Variants in NAV2 observed in about 807,000 individuals in gnomAD.
The protein encoded by NAV2 is neuron navigator 2, also known as helicase, APC down-regulated 1.
NAV2 carries 54 observed loss-of-function variants against 223.2 expected under a neutral mutation model. The ratio of observed to expected loss-of-function variants is 0.24; its 90% CI spans 0.19 to 0.30. The LOEUF (loss-of-function observed/expected upper bound fraction) is 0.30. Among genes scored for constraint, NAV2 ranks in the 10% least tolerant of loss-of-function variants. NAV2 has a pLI of 1.00. For missense variants in NAV2, 2,806 were observed against 3,147.5 expected, an observed-to-expected ratio of 0.89 and a Z score of 2.60; for synonymous variants, 1,279 against 1,239.3, an observed-to-expected ratio of 1.03 and a Z score of -0.67.
chr11:19,849,801 C>G (rs2061014434), intron 3 of NAV2, among the ~76,000 whole-genome samples: 1 of 152,230 alleles, frequency 6.6e-6, no homozygotes, highest in African/African-American at 2.4e-5. Flanking sequence ...GGGCCAAGAT[C>G]AGCAGGAAGC....
At chr11:19,780,835 A>C (rs2056677478) in intron 1 of NAV2, among the ~76,000 whole-genome samples, 1 of 152,150 alleles carries the variant, frequency 6.6e-6, no homozygotes, top group Non-Finnish European at 1.5e-5. Context: ...ACATTCCCAA[A>C]AGTCAATAGT....
rs1297202258 is a variant in NAV2 at position 19,554,902 on chromosome 11, G to A, written c.75+203875G>A. Among the ~76,000 whole-genome samples, 8 of 150,910 alleles carry A rather than the reference G, an allele frequency of 5.3e-5. No homozygotes were observed. In the South Asian group the frequency reaches 1.3e-3, roughly 24 times the overall value. Reference sequence around the variant, plus strand: ...GAGGAGGTTGCAGTGAGCTGAGATCGCGTCATTGCACTTCAGCCTGGGCAA... The same window carrying A: ...GAGGAGGTTGCAGTGAGCTGAGATCACGTCATTGCACTTCAGCCTGGGCAA... On this transcript the variant is annotated intron_variant, in intron 1 of 37. Coordinates refer to the NAV2 transcript ENST00000360655.
chr11:19,387,487 C>T lies in NAV2; in HGVS notation c.75+36460C>T, dbSNP rs75880528. Among the ~76,000 whole-genome samples the T allele has an allele frequency of 9.8e-3, 1,488 of 152,222 alleles. 45 individuals are homozygous for T. The highest frequency in any genetic ancestry group is 0.055 in the South Asian group (264 of 4,818). ...AGAGAAGATGCTGAGTCTCACCACC[C>T]ATTTCCTCCAGGGGACATTTTCTTC... On this transcript the variant is annotated intron_variant, in intron 1 of 37. Transcript: ENST00000360655.
chr11:19,487,120 G>A (rs2042469628), intron 1 of NAV2, among the ~76,000 whole-genome samples: 1 of 152,178 alleles, frequency 6.6e-6, no homozygotes, highest in South Asian at 2.1e-4. Flanking sequence ...TACCTAGAGG[G>A]CATTGAGGTC....
chr11:19,542,170 T>C (rs2044358563), intron 1 of NAV2, among the ~76,000 whole-genome samples: 1 of 152,222 alleles, frequency 6.6e-6, no homozygotes, highest in African/African-American at 2.4e-5. Flanking sequence ...ACTCTCTCAC[T>C]GTGCAGACCT....
intron 12 of NAV2, 54 bp downstream of exon 12, chr11:20,036,151 C>A: frequency 2.5e-6 from 4 of 1,610,096 alleles, no homozygotes; most frequent in African/African-American, 1.3e-5. Flanking sequence ...CAGCAGGGAA[C>A]CTTGGGCTTG....
At chr11:19,949,693 T>A (rs1357820900) in intron 10 of NAV2, among the ~76,000 whole-genome samples, 3 of 152,194 alleles carry the variant, frequency 2.0e-5, no homozygotes, top group African/African-American at 2.4e-5. Flanking sequence ...CTTTGGAAGA[T>A]TATCACTATT....
rs1307914925 is a variant in NAV2 at position 19,908,153 on chromosome 11, A to G, written c.931+15559A>G. Among the ~76,000 whole-genome samples the G allele has an allele frequency of 3.3e-5, 5 of 152,354 alleles. No homozygotes were observed. The East Asian group carries it at 9.6e-4, about 29-fold the overall frequency. On this transcript the variant is annotated intron_variant, in intron 6 of 37. Coordinates refer to ENST00000349880, the MANE Select transcript of NAV2 (RefSeq NM_145117.5). ...GGAGCCCCTCAGATCACCTTCTCAG[A>G]TGTAACGCTTCAGAAATCATCAAAC...
At position 19,403,852 on chromosome 11, in the gene NAV2, G is replaced by T. The variant is rs1053749491; in HGVS notation, c.75+52825G>T. 9.2e-5 allele frequency among the ~76,000 whole-genome samples: 14 copies of T among 151,488 alleles called. No individual in the cohort carries two copies. The East Asian group carries it at 2.7e-3, about 29-fold the overall frequency. Reference sequence around the variant, plus strand: ...GGGGAAGGGGTGTTATTTTAGATGGGGTGGCCATCTAAAATCAGGACTCTC... The same window carrying T: ...GGGGAAGGGGTGTTATTTTAGATGGTGTGGCCATCTAAAATCAGGACTCTC... On this transcript the variant is annotated intron_variant, in intron 1 of 37. Transcript: ENST00000360655.
chr11:19,514,715 T>C (rs908313069), intron 1 of NAV2, among the ~76,000 whole-genome samples: 5 of 152,184 alleles, frequency 3.3e-5, no homozygotes, highest in African/African-American at 9.7e-5. Context: ...GCCAGGCCAG[T>C]CTCCAACACT....
intron 10 of NAV2, among the ~76,000 whole-genome samples, chr11:19,965,467 T>C (rs988950594): frequency 1.3e-5 from 2 of 152,206 alleles, no homozygotes; most frequent in Admixed American, 1.3e-4. Context: ...TCACTGAATT[T>C]GATGGATTCC....
At chr11:19,608,264 C>T (rs1186628422) in intron 1 of NAV2, among the ~76,000 whole-genome samples, 1 of 152,208 alleles carries the variant, frequency 6.6e-6, no homozygotes, top group Non-Finnish European at 1.5e-5. Context: ...AGATGTTGTT[C>T]AGACCACTGC....
chr11:19,580,045 T>C (rs965138369), intron 1 of NAV2, among the ~76,000 whole-genome samples: 1 of 152,242 alleles, frequency 6.6e-6, no homozygotes, highest in Non-Finnish European at 1.5e-5. Flanking sequence ...CTTTATGACT[T>C]TGAAAGCTGT....
Position 20,072,086 on chromosome 11 carries a change from C to A in NAV2, c.4983+3688C>A, listed in dbSNP as rs117711691. Among the ~76,000 whole-genome samples the A allele has an allele frequency of 1.4e-3, 214 of 152,286 alleles. 5 individuals are homozygous for A. In the East Asian group the frequency reaches 0.039, roughly 27 times the overall value. On this transcript the variant is annotated intron_variant, in intron 22 of 37. Transcript: ENST00000349880. The stretch of plus-strand genomic sequence containing the variant: ...ATGATTTTAGGTCTTAGGTTTAATT[C>A]TTTAATCCATCTTGGGTTAATTTTT...
At chr11:19,973,417 A>G (rs1399036001) in intron 10 of NAV2, among the ~76,000 whole-genome samples, 4 of 152,222 alleles carry the variant, frequency 2.6e-5, no homozygotes, top group Admixed American at 2.6e-4. Context: ...AAGACTTACC[A>G]GCCCACAGAT....
At chr11:19,484,692 C>A (rs2042386330) in intron 1 of NAV2, among the ~76,000 whole-genome samples, 1 of 152,222 alleles carries the variant, frequency 6.6e-6, no homozygotes, top group Non-Finnish European at 1.5e-5. Context: ...GCCTGGCCAG[C>A]CCCTGAGCCC....
chr11:19,645,666 C>CTA (rs1392931202), intron 1 of NAV2, among the ~76,000 whole-genome samples: 5 of 152,104 alleles, frequency 3.3e-5, no homozygotes, highest in Non-Finnish European at 2.9e-5. Context: ...TGAGCTTTTA[C>CTA]TATAGGCCAG....
intron 1 of NAV2, among the ~76,000 whole-genome samples, chr11:19,738,204 T>A (rs1315346222): frequency 6.6e-6 from 1 of 152,194 alleles, no homozygotes; most frequent in East Asian, 1.9e-4. Flanking sequence ...TGCAGAGAGT[T>A]CCCTCAGGGG....
At chr11:19,943,419 A>C (rs1384757081) in intron 8 of NAV2, among the ~76,000 whole-genome samples, 3 of 152,202 alleles carry the variant, frequency 2.0e-5, no homozygotes, top group Admixed American at 2.0e-4. Flanking sequence ...AATGCCTTCC[A>C]AATTTCTTTG....
Sources: allele counts gnomAD v4.1 joint callset (sites outside exome capture counted in the v4.1 genomes callset), GRCh38; gene constraint gnomAD v4.1.1; transcripts MANE v1.5; gene names NCBI Gene and HGNC (gene_info 2026-07-23, HGNC 2026-07-21).